GFRA1: variants seen among roughly 807,000 people sequenced by gnomAD.
The protein encoded by GFRA1 is GDNF family receptor alpha 1.
A neutral mutation model predicts 51.6 loss-of-function variants in GFRA1; 16 were observed. The ratio of observed to expected loss-of-function variants is 0.31; its 90% confidence interval spans 0.21 to 0.47. GFRA1 has a LOEUF of 0.47. GFRA1 is among the 20% of genes least tolerant of loss of function. The pLI is 1.00. For synonymous variants in GFRA1, 270 were observed against 241.3 expected (o/e 1.12, Z -1.10); for missense variants, 530 against 594.3 (o/e 0.89, Z 1.13).
intron 4 of GFRA1, among the ~76,000 whole-genome samples, chr10:116,223,959 T>C (rs1966105374): frequency 6.6e-6 from 1 of 152,160 alleles, no homozygotes; most frequent in Admixed American, 6.5e-5. Context: ...TCTTCAAGCA[T>C]CACAGTTGAC....
At chr10:116,229,090 C>T (rs1014715807) in intron 4 of GFRA1, among the ~76,000 whole-genome samples, 2 of 151,644 alleles carry the variant, frequency 1.3e-5, no homozygotes, top group African/African-American at 4.9e-5. Context: ...ACAGTCCTGC[C>T]GACTCCTCGA....
intron 6 of GFRA1, among the ~76,000 whole-genome samples, chr10:116,104,358 G>C (rs573096285): frequency 6.6e-6 from 1 of 152,156 alleles, no homozygotes; most frequent in Admixed American, 6.5e-5. Context: ...GGGCTTCCCC[G>C]ATCACTGTTG....
intron 5 of GFRA1, among the ~76,000 whole-genome samples, chr10:116,196,364 C>T (rs1429404725): frequency 6.6e-6 from 1 of 150,388 alleles, no homozygotes; most frequent in Non-Finnish European, 1.5e-5. Flanking sequence ...TGGCAGGTGC[C>T]TGTAATCCCA....
At chr10:116,075,516 TTTTAGATGATAAATCCAA>T (rs1169906136) in intron 9 of GFRA1, among the ~76,000 whole-genome samples, 7 of 152,186 alleles carry the variant, frequency 4.6e-5, no homozygotes, top group Non-Finnish European at 7.3e-5. Flanking sequence ...CATTCTCATA[TTTTAGATGATAAATCCAA>T]GGACCAAAGA....
intron 3 of GFRA1, among the ~76,000 whole-genome samples, chr10:116,270,214 ATC>A (rs1487149790): frequency 1.3e-5 from 2 of 152,182 alleles, no homozygotes; most frequent in African/African-American, 2.4e-5. Flanking sequence ...TGACCAGTGG[ATC>A]TTTCTCTCCC....
chr10:116,083,249 C>T (rs1265089929), intron 9 of GFRA1, among the ~76,000 whole-genome samples: 2 of 152,196 alleles, frequency 1.3e-5, no homozygotes, highest in Non-Finnish European at 2.9e-5. Context: ...GGGGTAAGGA[C>T]AGGGGGTGAA....
intron 4 of GFRA1, among the ~76,000 whole-genome samples, chr10:116,228,473 G>C (rs1966460030): frequency 6.6e-6 from 1 of 152,138 alleles, no homozygotes; most frequent in Non-Finnish European, 1.5e-5. Context: ...TCTGTGAAGA[G>C]GTTACTTTAC....
chr10:116,196,594 ATAATATATATATAG>A lies in GFRA1; in HGVS notation c.433+15023_433+15036del, dbSNP rs1463426359. Among the ~76,000 whole-genome samples the A allele has an allele frequency of 9.6e-3, 142 of 14,726 alleles. 8 individuals carry two copies. In the East Asian group the frequency reaches 0.29, roughly 30 times the overall value. The allele number at this position is 14,726 out of a possible 152,430, so 9.7% of individuals were successfully genotyped here. ...ATATATATAATATATAGTACTATAT[ATAATATATATATAG>A]TACTATATATAATATATATAATATA... On this transcript the variant is annotated intron_variant, in intron 5 of 10. Coordinates refer to ENST00000355422, the MANE Select transcript of GFRA1 (RefSeq NM_005264.8).
intron 4 of GFRA1, among the ~76,000 whole-genome samples, chr10:116,260,607 CTGTCTA>C (rs1969227913): frequency 6.6e-6 from 1 of 151,940 alleles, no homozygotes; most frequent in African/African-American, 2.4e-5. Flanking sequence ...CCCCACAGCC[CTGTCTA>C]TGTAAATCCT....
At chr10:116,198,164 T>C (rs990414079) in intron 5 of GFRA1, among the ~76,000 whole-genome samples, 2 of 152,164 alleles carry the variant, frequency 1.3e-5, no homozygotes, top group African/African-American at 4.8e-5. Context: ...GGAGTCTGCA[T>C]TAATTTATAG....
At chr10:116,257,589 G>A (rs1342692518) in intron 4 of GFRA1, among the ~76,000 whole-genome samples, 2 of 152,136 alleles carry the variant, frequency 1.3e-5, no homozygotes, top group Non-Finnish European at 2.9e-5. Context: ...TATGATGAGA[G>A]GTTACTCACC....
chr10:116,150,631 G>T (rs1450603844), intron 5 of GFRA1, among the ~76,000 whole-genome samples: 1 of 152,112 alleles, frequency 6.6e-6, no homozygotes, highest in Non-Finnish European at 1.5e-5. Context: ...TATTATTTTT[G>T]CATCACTCTA....
chr10:116,089,976 G>C, intron 8 of GFRA1, 54 bp from the exon 9 acceptor site: 1 of 1,484,652 alleles, frequency 6.7e-7, no homozygotes, highest in Non-Finnish European at 9.2e-7. Flanking sequence ...AAACGTAACA[G>C]ACAGGATATA....
chr10:116,270,155 C>T (rs1453571715), intron 3 of GFRA1, among the ~76,000 whole-genome samples: 3 of 152,094 alleles, frequency 2.0e-5, no homozygotes, highest in African/African-American at 7.2e-5. Context: ...AAACATGAGC[C>T]CCCTCTGGCT....
At chr10:116,071,227 T>A (rs1386595764) in intron 9 of GFRA1, among the ~76,000 whole-genome samples, 1 of 152,158 alleles carries the variant, frequency 6.6e-6, no homozygotes, top group Non-Finnish European at 1.5e-5. Flanking sequence ...CTTCTACCAC[T>A]GAGCCTGGGA....
chr10:116,227,315 G>GCTT (rs1309386576), intron 4 of GFRA1, among the ~76,000 whole-genome samples: 2 of 152,182 alleles, frequency 1.3e-5, no homozygotes. Flanking sequence ...GCCAGCCAAT[G>GCTT]CGCAGGGAAC....
chr10:116,173,081 T>A (rs1324993821), intron 5 of GFRA1, among the ~76,000 whole-genome samples: 1 of 152,248 alleles, frequency 6.6e-6, no homozygotes. Flanking sequence ...ATATATTCTA[T>A]GTGCCTGGTA....
chr10:116,086,083 T>C (rs566075502), intron 9 of GFRA1, among the ~76,000 whole-genome samples: 6 of 152,214 alleles, frequency 3.9e-5, no homozygotes, highest in Admixed American at 2.0e-4. Flanking sequence ...TGATTCTGGA[T>C]ATGTCACAAG....
intron 4 of GFRA1, among the ~76,000 whole-genome samples, chr10:116,258,866 C>A (rs1969094371): frequency 6.6e-6 from 1 of 152,178 alleles, no homozygotes; most frequent in Non-Finnish European, 1.5e-5. Context: ...ATTTTTACTT[C>A]TCTTTAAGTA....
Sources: allele counts gnomAD v4.1 joint callset (sites outside exome capture counted in the v4.1 genomes callset), GRCh38; gene constraint gnomAD v4.1.1; transcripts MANE v1.5; gene names NCBI Gene and HGNC (gene_info 2026-07-23, HGNC 2026-07-21).